The following MICAL2 variants were observed in gnomAD, a reference collection of about 807,000 sequenced individuals.
MICAL2 encodes microtubule associated monooxygenase, calponin and LIM domain containing 2.
In MICAL2, 77 loss-of-function variants were observed where a neutral mutation model predicts 127.3. The ratio of observed to expected loss-of-function variants is 0.60; its 90% CI spans 0.50 to 0.73. The LOEUF is 0.73. Ranked by LOEUF, MICAL2 falls within the 30% of genes least tolerant of loss-of-function variation. The pLI is 0.00. For synonymous variants in MICAL2, 570 were observed against 551.1 expected (o/e 1.03, Z -0.48); for missense variants, 1,351 against 1,434.4 (o/e 0.94, Z 0.94).
At chr11:12,111,217 T>G (rs1261315125) in intron 1 of MICAL2, among the ~76,000 whole-genome samples, 2 of 152,210 alleles carry the variant, frequency 1.3e-5, no homozygotes, top group African/African-American at 2.4e-5. Context: ...GGAAGTTAAG[T>G]TGGGCCAAAT....
chr11:12,159,918 G>A (rs1590121288), intron 2 of MICAL2, among the ~76,000 whole-genome samples: 1 of 152,276 alleles, frequency 6.6e-6, no homozygotes, highest in Middle Eastern at 3.4e-3. Flanking sequence ...ATCCACGCTT[G>A]TCGCACCAGG....
chr11:12,222,541 G>T, intron 10 of MICAL2, 76 bp from the exon 11 acceptor site: 1 of 1,586,290 alleles, frequency 6.3e-7, no homozygotes, highest in Non-Finnish European at 8.6e-7. Flanking sequence ...AGAGGAAGGG[G>T]GAAGTAGGGA....
chr11:12,196,344 G>A (rs552295815), intron 3 of MICAL2: 5 of 152,300 alleles, frequency 3.3e-5, no homozygotes, highest in Admixed American at 2.6e-4. Context: ...GATCTGTTAT[G>A]TGAGTAATGC....
At chr11:12,123,222 T>C (rs1175666791) in intron 1 of MICAL2, among the ~76,000 whole-genome samples, 1 of 152,236 alleles carries the variant, frequency 6.6e-6, no homozygotes, top group African/African-American at 2.4e-5. Flanking sequence ...TTTTTTATTT[T>C]ATATCACTCT....
At chr11:12,229,011 G>T (rs1027547693) in intron 15 of MICAL2, among the ~76,000 whole-genome samples, 10 of 152,166 alleles carry the variant, frequency 6.6e-5, no homozygotes, top group African/African-American at 2.4e-4. Context: ...ACAGGACAGT[G>T]GGCTGGAAGC....
rs2134566892 is a variant in MICAL2, at chr11:12,249,255, G to C, written c.2847+9G>C. The C allele has an allele frequency of 2.7e-6, 4 of 1,506,986 alleles. No homozygotes were observed. The highest frequency in any genetic ancestry group is 2.8e-6 in the Non-Finnish European group (3 of 1,083,242). 93.4% of individuals were successfully genotyped at this position (1,506,986 alleles called of 1,614,324 possible). A position where few individuals can be genotyped will look rare whatever the true frequency, so the allele number is the denominator to read the frequency against. On this transcript the variant is annotated intron_variant, in intron 22 of 27. Coordinates refer to ENST00000683283, the MANE Select transcript of MICAL2 (RefSeq NM_001282663.2). Reference sequence around the variant, plus strand: ...GAACAGTGCATCCTCAGGTGAGTTAGAGCCTCCCTGAACTTCAGCTGCCTC... The same window carrying C: ...GAACAGTGCATCCTCAGGTGAGTTACAGCCTCCCTGAACTTCAGCTGCCTC...
At chr11:12,242,533 C>T (rs1860123105) in intron 19 of MICAL2, 101 bp downstream of exon 19, 3 of 1,434,344 alleles carry the variant, frequency 2.1e-6, no homozygotes, top group Admixed American at 1.9e-5. Context: ...CCTCTGCCCA[C>T]CCCCTGTCTC....
rs1344708286 is a variant in MICAL2, at chr11:12,143,930, GGAGAGAGAGAGGGAAAGA to G, written c.-78+5482_-78+5499del. Among the ~76,000 whole-genome samples the G allele has an allele frequency of 3.3e-5, 5 of 152,164 alleles. No homozygotes were observed. The East Asian group carries it at 9.7e-4, about 29-fold the overall frequency. On this transcript the variant is annotated intron_variant, in intron 2 of 27. Transcript: ENST00000683283. Reference sequence around the variant, plus strand: ...TCATTAGAGTGGAAAGAATAATGGCGGAGAGAGAGAGGGAAAGAGAGAGAGAGAGAGCGCCAGGAACTC... The same window carrying G: ...TCATTAGAGTGGAAAGAATAATGGCGGAGAGAGAGAGAGCGCCAGGAACTC...
chr11:12,112,989 A>C (rs1164336575), intron 1 of MICAL2, among the ~76,000 whole-genome samples: 1 of 151,974 alleles, frequency 6.6e-6, no homozygotes, highest in Non-Finnish European at 1.5e-5. Flanking sequence ...CCACTGCTGA[A>C]GTATAGAGGT....
At chr11:12,250,270 G>C (rs1861366813) in intron 22 of MICAL2, 1 of 152,214 alleles carries the variant, frequency 6.6e-6, no homozygotes, top group African/African-American at 2.4e-5. Flanking sequence ...TTTAATTTTT[G>C]TGGGTACGTA....
intron 3 of MICAL2, among the ~76,000 whole-genome samples, chr11:12,186,545 A>C (rs1262844945): frequency 6.6e-6 from 1 of 152,142 alleles, no homozygotes; most frequent in Non-Finnish European, 1.5e-5. Flanking sequence ...TTTTAAAAAA[A>C]GATTTTTTTT....
At chr11:12,350,224 C>G (rs997003623) in intron 33 of MICAL2, among the ~76,000 whole-genome samples, 1 of 152,138 alleles carries the variant, frequency 6.6e-6, no homozygotes, top group Non-Finnish European at 1.5e-5. Context: ...CATCCCTGTT[C>G]CCTGGGTCCA....
intron 3 of MICAL2, among the ~76,000 whole-genome samples, chr11:12,183,600 G>A (rs191306899): frequency 1.3e-5 from 2 of 152,210 alleles, no homozygotes; most frequent in East Asian, 3.9e-4. Context: ...GAGGTGAGAG[G>A]GACACTCTTG....
chr11:12,338,157 A>G (rs935782327), intron 32 of MICAL2, among the ~76,000 whole-genome samples: 3 of 152,172 alleles, frequency 2.0e-5, no homozygotes, highest in Non-Finnish European at 4.4e-5. Flanking sequence ...GTGCATATAT[A>G]TTTAGGATAG....
At chr11:12,267,322 A>G (rs868839558), downstream of MICAL2, among the ~76,000 whole-genome samples, 34 of 152,208 alleles carry the variant, frequency 2.2e-4, 1 homozygote, top group South Asian at 2.1e-4. Flanking sequence ...TTTTCCCCCA[A>G]AACAGGCTCT....
downstream of MICAL2, among the ~76,000 whole-genome samples, chr11:12,288,264 T>C (rs919565037): frequency 6.6e-6 from 1 of 152,228 alleles, no homozygotes; most frequent in Non-Finnish European, 1.5e-5. Flanking sequence ...TCGCCTTTAC[T>C]GCCCTGCTCT....
chr11:12,204,186 C>A (rs1412670287), intron 3 of MICAL2, 64 bp from the exon 4 acceptor site: 9 of 1,499,594 alleles, frequency 6.0e-6, no homozygotes, highest in African/African-American at 1.4e-5. Context: ...TTCCTGCTGA[C>A]TGGGGGTTCG....
intron 3 of MICAL2, among the ~76,000 whole-genome samples, chr11:12,192,672 G>C (rs1215376727): frequency 2.0e-5 from 3 of 152,112 alleles, no homozygotes; most frequent in Admixed American, 2.0e-4. Context: ...CAGCTACTTG[G>C]GAGGCTGAGG....
intron 4 of MICAL2, chr11:12,207,716 C>A: frequency 4.2e-6 from 1 of 238,886 alleles, no homozygotes; most frequent in East Asian, 9.6e-5. Flanking sequence ...AGAACAGGGT[C>A]TAGAAATCAG....
Sources: gnomAD v4.1 joint callset for allele counts (sites outside exome capture counted in the v4.1 genomes callset) on GRCh38, gnomAD v4.1.1 for gene constraint, MANE v1.5 for transcripts, NCBI Gene and HGNC (gene_info 2026-07-23, HGNC 2026-07-21) for gene names.